Variants in IL6R observed in about 807,000 individuals in gnomAD.
IL6R encodes the protein interleukin-6 receptor subunit alpha.
In IL6R, 38 loss-of-function variants were observed where a neutral mutation model predicts 48.3. That is an observed-to-expected ratio of 0.79 (90% CI 0.61 to 1.03). The LOEUF is 1.03. Among genes scored for constraint, IL6R ranks in the 50% least tolerant of loss-of-function variants. The probability of loss-of-function intolerance (pLI) is 0.00; values close to 1 mark genes in which losing one functional copy is unlikely to be tolerated. For missense variants in IL6R, 534 were observed against 618.3 expected, an observed-to-expected ratio of 0.86 and a Z score of 1.45; for synonymous variants, 264 against 256.2, an observed-to-expected ratio of 1.03 and a Z score of -0.29.
intron 6 of IL6R, among the ~76,000 whole-genome samples, chr1:154,445,287 C>T (rs1254499782): frequency 6.6e-6 from 1 of 152,174 alleles, no homozygotes; most frequent in East Asian, 1.9e-4. Context: ...GTCTCTCCTC[C>T]CCTCTTCCTG....
At chr1:154,410,198 G>T (rs1687944344) in intron 1 of IL6R, among the ~76,000 whole-genome samples, 2 of 152,070 alleles carry the variant, frequency 1.3e-5, no homozygotes, top group South Asian at 4.1e-4. Context: ...CTGCAAGTCT[G>T]CAGGTGGGAT....
chr1:154,407,500 G>T (rs1461337269), intron 1 of IL6R, among the ~76,000 whole-genome samples: 3 of 152,170 alleles, frequency 2.0e-5, no homozygotes, highest in Admixed American at 2.0e-4. Context: ...CAGCTCAGAA[G>T]GAAAATGCAG....
chr1:154,458,858 G>A lies in IL6R; in HGVS notation c.1160+4277G>A, dbSNP rs572404131. ...AGAGGTTGCAGTGAGCCGAGATCGC[G>A]CCACTGCACTCCAGCCTGGGCAGCA... On this transcript the variant is annotated intron_variant, in intron 9 of 9. Coordinates refer to ENST00000368485, the MANE Select transcript of IL6R (RefSeq NM_000565.4). Among the ~76,000 whole-genome samples the A allele has an allele frequency of 3.9e-3, 586 of 149,686 alleles. 5 individuals are homozygous for A. Among genetic ancestry groups the A allele is most frequent in the African/African-American group, 0.013 (538 of 40,422 alleles).
Position 154,434,530 on chromosome 1 carries a change from C to T in IL6R, c.470C>T (p.Pro157Leu), listed in dbSNP as rs557934512. The T allele has an allele frequency of 1.5e-5, 24 of 1,613,114 alleles. No homozygotes were observed. The Admixed American group carries it at 1.8e-4, about 12-fold the overall frequency. ...TTTGTGTCTAACAGTCAGAACAGTC[C>T]GGCCGAAGACTTCCAGGAGCCGTGC... ...VLLVRKFQNS[P>L]AEDFQEPCQY... The change falls in exon 4 of 10, where the codon CCG (proline) becomes CTG (leucine). Residue 157 changes from proline to leucine, a missense_variant. Transcript: ENST00000368485.
intron 1 of IL6R, among the ~76,000 whole-genome samples, chr1:154,417,243 G>A (rs952162722): frequency 1.3e-5 from 2 of 152,200 alleles, no homozygotes; most frequent in East Asian, 1.9e-4. Flanking sequence ...AGCCTGGACC[G>A]AGAGTCCCAG....
chr1:154,436,526 A>T (rs1689639530), intron 6 of IL6R, among the ~76,000 whole-genome samples: 1 of 152,222 alleles, frequency 6.6e-6, no homozygotes, highest in Admixed American at 6.5e-5. Flanking sequence ...TATCGGCTTG[A>T]AATTTCAAAA....
intron 1 of IL6R, among the ~76,000 whole-genome samples, chr1:154,425,752 T>C (rs1355620880): frequency 6.8e-6 from 1 of 146,140 alleles, no homozygotes; most frequent in Non-Finnish European, 1.5e-5. Flanking sequence ...TCAGCCTGAG[T>C]GACAGAGTGA....
At position 154,454,526 on chromosome 1, in the gene IL6R, G is replaced by A. The variant is rs764176816; in HGVS notation, c.1105G>A (p.Val369Ile). The A allele has an allele frequency of 8.7e-6, 14 of 1,613,428 alleles. No individual in the cohort carries two copies. The highest frequency in any genetic ancestry group is 1.3e-5 in the African/African-American group (1 of 74,750). The change falls in exon 9 of 10, where the codon GTT (valine) becomes ATT (isoleucine). Residue 369 changes from valine to isoleucine, a missense_variant. Val to Ile is a conservative substitution (Grantham distance 29, BLOSUM62 3). Coordinates refer to ENST00000368485, the MANE Select transcript of IL6R (RefSeq NM_000565.4). ...TTCAGTACCACTGCCCACATTCCTG[G>A]TTGCTGGAGGGAGCCTGGCCTTCGG... Reference protein sequence around the residue: ...SSSVPLPTFLVAGGSLAFGTL... With the variant: ...SSSVPLPTFLIAGGSLAFGTL...
chr1:154,454,709 CCACAACACA>C (rs1210738092), intron 9 of IL6R, 128 bp downstream of exon 9: 1 of 693,572 alleles, frequency 1.4e-6, no homozygotes, highest in Non-Finnish European at 2.6e-6. Context: ...AATGCACACA[CCACAACACA>C]CACAACACCT....
intron 6 of IL6R, among the ~76,000 whole-genome samples, chr1:154,438,717 A>G (rs1327968177): frequency 6.6e-6 from 1 of 151,972 alleles, no homozygotes; most frequent in Non-Finnish European, 1.5e-5. Context: ...CTGGCTTTGT[A>G]CTGTGGGGTC....
rs1689237857 is a variant in IL6R, at chr1:154,430,571, C to G, written c.423C>G (p.Ser141=). 1 of 1,614,082 alleles carries G rather than the reference C, an allele frequency of 6.2e-7. No homozygotes were observed. Among genetic ancestry groups the G allele is most frequent in the Admixed American group, 1.7e-5 (1 of 60,010 alleles). The change falls in exon 3 of 10, where the codon TCC becomes TCG. Residue 141 remains serine, a synonymous_variant. Coordinates refer to ENST00000368485, the MANE Select transcript of IL6R (RefSeq NM_000565.4). ...AGTGGGGTCCTCGGAGCACCCCATC[C>G]CTGACGACAAAGGCTGTGCTCTTGG... ...VCEWGPRSTP[S]LTTKAVLLVR... is the part of the protein sequence containing the mutation.
intron 1 of IL6R, chr1:154,418,307 G>A (rs989911745): frequency 9.1e-6 from 4 of 437,808 alleles, no homozygotes; most frequent in Middle Eastern, 1.1e-3. Context: ...TTGGTCACAC[G>A]CGCACGTGGG....
rs944564013 is a variant in IL6R, at chr1:154,405,747, G to A, written c.85+33G>A. On this transcript the variant is annotated intron_variant, in intron 1 of 9. Transcript: ENST00000368485. This position sits in a 1 kb window ranked among gnomAD's most constrained non-coding sequence, Gnocchi z 5.2. Reference sequence around the variant, plus strand: ...CTTCGGGCGCACCTGGAGGGCTGGGGCAGCTAGCGGCTGGGGGAAACCGCC... The same window carrying A: ...CTTCGGGCGCACCTGGAGGGCTGGGACAGCTAGCGGCTGGGGGAAACCGCC... 5 of 1,398,384 alleles carry A rather than the reference G, an allele frequency of 3.6e-6. No homozygotes were observed. The highest frequency in any genetic ancestry group is 3.7e-6 in the Non-Finnish European group (4 of 1,075,574). 86.6% of individuals were successfully genotyped at this position (1,398,384 alleles called of 1,614,324 possible).
At chr1:154,406,567 G>A (rs1307357290) in intron 1 of IL6R, 2 of 152,192 alleles carry the variant, frequency 1.3e-5, no homozygotes, top group Non-Finnish European at 2.9e-5. Context: ...GTTTATTTTA[G>A]GGTCCCAGTG....
In IL6R at chr1:154,468,713, G is replaced by A. The variant is rs1691660556; in HGVS notation, c.*3333G>A. On this transcript the variant is annotated 3_prime_UTR_variant, in exon 10 of 10. Transcript: ENST00000368485. ...CTGGAAGCCCACCTGGTAGTGAACA[G>A]GGCCCAGTGGGGCAGGCTGGGCATG... The A allele has an allele frequency of 6.6e-6, 1 of 152,286 alleles. No individual in the cohort carries two copies. Among genetic ancestry groups the A allele is most frequent in the African/African-American group, 2.4e-5 (1 of 41,456 alleles). 9.4% of individuals were successfully genotyped at this position (152,286 alleles called of 1,614,324 possible).
intron 1 of IL6R, among the ~76,000 whole-genome samples, chr1:154,427,390 C>T (rs908711668): frequency 2.6e-5 from 4 of 152,118 alleles, no homozygotes; most frequent in African/African-American, 4.8e-5. Flanking sequence ...ACTTGCCCAC[C>T]GTGGGAGAAA....
rs1294079747 is a variant in IL6R at position 154,444,946 on chromosome 1, C to G, written c.950-3179C>G. The G allele has an allele frequency of 9.0e-5, 37 of 411,588 alleles. 1 individual carries two copies. Among genetic ancestry groups the G allele is most frequent in the South Asian group, 5.8e-4 (34 of 58,872 alleles). The allele number at this position is 411,588 out of a possible 1,614,324, so 25.5% of individuals were successfully genotyped here. The stretch of plus-strand genomic sequence containing the variant: ...TAACTGCCCCCCACACCCGCCCCCC[C>G]CAAATGAGGAAGGGTGAAACCTCAA... On this transcript the variant is annotated intron_variant, in intron 6 of 9. Transcript: ENST00000368485.
At chr1:154,461,469 C>G (rs922333978) in intron 9 of IL6R, among the ~76,000 whole-genome samples, 3 of 152,222 alleles carry the variant, frequency 2.0e-5, no homozygotes, top group Non-Finnish European at 4.4e-5. Context: ...GGCCCTTATG[C>G]CGGCATGACA....
rs966764070 is a variant in IL6R, at chr1:154,422,041, G to C, written c.86-7155G>C. Among the ~76,000 whole-genome samples the C allele has an allele frequency of 4.6e-5, 7 of 152,054 alleles. No homozygotes were observed. The East Asian group carries it at 1.3e-3, about 29-fold the overall frequency. On this transcript the variant is annotated intron_variant, in intron 1 of 9. Coordinates refer to ENST00000368485, the MANE Select transcript of IL6R (RefSeq NM_000565.4). ...AGTTCACTGCAATCTCTGCCTCCTG[G>C]GTTCAAGTGATTCTCCTGCCTCAGC...
Sources: allele counts gnomAD v4.1 joint callset (sites outside exome capture counted in the v4.1 genomes callset), GRCh38; gene constraint gnomAD v4.1.1; non-coding constraint Gnocchi (gnomAD v3.1); transcripts MANE v1.5; gene names NCBI Gene and HGNC (gene_info 2026-07-23, HGNC 2026-07-21).